SLC18A1: variants seen among roughly 807,000 people sequenced by gnomAD.
SLC18A1 encodes chromaffin granule amine transporter.
Under a neutral mutation model 53.7 loss-of-function variants are expected in SLC18A1, and 69 were observed. The observed-to-expected ratio is 1.28, with a 90% CI of 1.06 to 1.57. The LOEUF is 1.57. Among genes scored for constraint, SLC18A1 ranks in the 40% most tolerant of loss-of-function variants. The probability of loss-of-function intolerance (pLI) is 0.00; values close to 1 mark genes in which losing one functional copy is unlikely to be tolerated. For missense variants in SLC18A1, 932 were observed against 668.1 expected (o/e 1.40, Z -4.35); for synonymous variants, 320 against 248.1 (o/e 1.29, Z -2.72).
At chr8:20,157,788 CA>C (rs1336348709) in intron 10 of SLC18A1, among the ~76,000 whole-genome samples, 3 of 152,216 alleles carry the variant, frequency 2.0e-5, no homozygotes, top group Admixed American at 2.0e-4. Context: ...TCAGGAGGAG[CA>C]GGTGGAATGG....
rs755572731 is a variant in SLC18A1, at chr8:20,179,188, C to A, written c.421G>T (p.Val141Phe). ...FLEEEITRVGVLFASKAVMQL... is the reference protein window; with the variant it reads ...FLEEEITRVGFLFASKAVMQL... ...ATCACAGCCTTTGAAGCAAACAGAA[C>A]CCCGACCCGGGTAATCTCTTCCTCC... Residue 141 changes from valine (V) to phenylalanine (F), a missense_variant, in exon 3 of 16, where the codon GTT becomes TTT. Physicochemically the swap from Val to Phe is conservative, Grantham distance 50. Coordinates refer to ENST00000276373, the MANE Select transcript of SLC18A1 (RefSeq NM_003053.4). 8.1e-6 allele frequency: 13 copies of A among 1,614,046 alleles called. No homozygotes were observed. The highest frequency in any genetic ancestry group is 2.7e-5 in the African/African-American group (2 of 74,908).
intron 4 of SLC18A1, 51 bp from the exon 5 acceptor site, chr8:20,174,495 TC>T: frequency 1.6e-6 from 2 of 1,262,452 alleles, no homozygotes; most frequent in Non-Finnish European, 1.2e-6. Context: ...TGCCTTTGCT[TC>T]CCCAGCCGCC....
chr8:20,163,945 G>T (rs2071891109), intron 10 of SLC18A1, among the ~76,000 whole-genome samples: 1 of 152,096 alleles, frequency 6.6e-6, no homozygotes, highest in African/African-American at 2.4e-5. Context: ...GAGCCTTAGG[G>T]CAGGCGATGA....
Position 20,147,313 on chromosome 8 carries a change from A to T in SLC18A1, c.1409T>A (p.Val470Asp), listed in dbSNP as rs200509773. Residue 470 changes from valine (V) to aspartate (D), a missense_variant, in exon 15 of 16, where the codon GTC becomes GAC. Physicochemically the swap from Val to Asp is radical, Grantham distance 152. Transcript: ENST00000276373. The stretch of plus-strand genomic sequence containing the variant: ...CAGGTAGTAGCAGAGTGGAGCATAG[A>T]CGATGTTGATGACCCCAGTGATGAC... ...LMVITGVINIVYAPLCYYLRS... is the reference protein window; with the variant it reads ...LMVITGVINIDYAPLCYYLRS... 7 of 1,613,656 alleles carry T rather than the reference A, an allele frequency of 4.3e-6. No individual in the cohort carries two copies. The highest frequency in any genetic ancestry group is 3.4e-6 in the Non-Finnish European group (4 of 1,179,932).
At chr8:20,147,891 C>A in intron 13 of SLC18A1, 116 bp downstream of exon 13, 2 of 1,437,820 alleles carry the variant, frequency 1.4e-6, no homozygotes, top group South Asian at 1.3e-5. Context: ...GCCAGCTGCC[C>A]TCCTGATCCT....
chr8:20,146,602 G>T (rs768869846), intron 15 of SLC18A1, among the ~76,000 whole-genome samples: 1 of 152,118 alleles, frequency 6.6e-6, no homozygotes, highest in Non-Finnish European at 1.5e-5. Context: ...CTTCCCTGGG[G>T]TTTTTGTACT....
intron 4 of SLC18A1, chr8:20,175,729 A>G (rs1347988880): frequency 6.6e-6 from 1 of 152,202 alleles, no homozygotes; most frequent in East Asian, 1.9e-4. Context: ...TGTCTGAATC[A>G]GAAGAATTGT....
At chr8:20,166,902 T>C (rs951601808) in intron 8 of SLC18A1, among the ~76,000 whole-genome samples, 2 of 151,918 alleles carry the variant, frequency 1.3e-5, no homozygotes, top group Non-Finnish European at 2.9e-5. Flanking sequence ...GCACACTGAG[T>C]AAAGGCCATG....
At chr8:20,166,988 C>T (rs1417027105) in intron 8 of SLC18A1, among the ~76,000 whole-genome samples, 1 of 152,136 alleles carries the variant, frequency 6.6e-6, no homozygotes, top group Non-Finnish European at 1.5e-5. Context: ...TCAACAGTAC[C>T]TTGACCATGG....
intron 6 of SLC18A1, among the ~76,000 whole-genome samples, chr8:20,172,588 T>C (rs2072150765): frequency 6.6e-6 from 1 of 152,234 alleles, no homozygotes; most frequent in Non-Finnish European, 1.5e-5. Context: ...GTCTGTATCC[T>C]GGCTGTGGCG....
At chr8:20,174,075 T>C (rs1342897106) in intron 5 of SLC18A1, among the ~76,000 whole-genome samples, 3 of 151,508 alleles carry the variant, frequency 2.0e-5, no homozygotes, top group African/African-American at 7.3e-5. Context: ...TTATTCTCTC[T>C]TTTTTTTAAT....
rs550360632 is a variant in SLC18A1 at position 20,177,110 on chromosome 8, A to G, written c.547+1325T>C. Reference sequence around the variant, plus strand: ...GAAATAGGGCACCTGGCATCTTATTATTTTTAAATTTGCTGTCTAACTTAG... The same window carrying G: ...GAAATAGGGCACCTGGCATCTTATTGTTTTTAAATTTGCTGTCTAACTTAG... On this transcript the variant is annotated intron_variant, in intron 4 of 15. Coordinates refer to ENST00000276373, the MANE Select transcript of SLC18A1 (RefSeq NM_003053.4). Among the ~76,000 whole-genome samples the G allele has an allele frequency of 5.1e-4, 78 of 152,334 alleles. 1 individual carries two copies. The highest frequency in any genetic ancestry group is 3.4e-3 in the Middle Eastern group (1 of 294).
Position 20,147,427 on chromosome 8 carries a change from G to A in SLC18A1, c.1331-36C>T, listed in dbSNP as rs544997434. ...TACATCAAAGTCATAAGTGTCTATG[G>A]AGCCTCCATATGGAGCATCCTCCAC... On this transcript the variant is annotated intron_variant, in intron 14 of 15. Transcript: ENST00000276373. 2.5e-6 allele frequency: 4 copies of A among 1,591,306 alleles called. No homozygotes were observed. In the South Asian group the frequency reaches 4.6e-5, roughly 18 times the overall value.
chr8:20,180,886 C>A lies in SLC18A1; in HGVS notation c.79G>T (p.Val27Leu), dbSNP rs762423548. The A allele has an allele frequency of 1.2e-6, 2 of 1,613,942 alleles. No homozygotes were observed. The highest frequency in any genetic ancestry group is 2.2e-5 in the East Asian group (1 of 44,862). Residue 27 changes from valine to leucine, a missense_variant, in exon 2 of 16, where the codon GTA becomes TTA. Coordinates refer to ENST00000276373, the MANE Select transcript of SLC18A1 (RefSeq NM_003053.4). ...TTGTCCAGGAGCAAAGCGACGAATA[C>A]CACCACCAGCACCAGCTGCCGGGAC... ...RASRQLVLVV[V>L]FVALLLDNML... is the part of the protein sequence containing the mutation.
chr8:20,169,458 T>TAA (rs35242639), intron 8 of SLC18A1, among the ~76,000 whole-genome samples: 16 of 151,344 alleles, frequency 1.1e-4, no homozygotes, highest in South Asian at 2.1e-4. Flanking sequence ...TGACATTACA[T>TAA]AAAAAAAAAT....
chr8:20,164,375 T>G (rs2071900943), intron 10 of SLC18A1, among the ~76,000 whole-genome samples: 1 of 152,118 alleles, frequency 6.6e-6, no homozygotes, highest in Non-Finnish European at 1.5e-5. Flanking sequence ...AGGGTAGTCT[T>G]GAGGATGAGG....
At chr8:20,157,511 G>C (rs1391701326) in intron 10 of SLC18A1, among the ~76,000 whole-genome samples, 1 of 152,160 alleles carries the variant, frequency 6.6e-6, no homozygotes, top group Non-Finnish European at 1.5e-5. Flanking sequence ...AAACTAGGAA[G>C]AAGGCTATGA....
At chr8:20,152,469 T>C (rs1177952053) in intron 10 of SLC18A1, among the ~76,000 whole-genome samples, 2 of 152,066 alleles carry the variant, frequency 1.3e-5, no homozygotes, top group Admixed American at 6.5e-5. Flanking sequence ...TGGAGGTAAG[T>C]TGGTGACATT....
At position 20,147,401 on chromosome 8, in the gene SLC18A1, A is replaced by T; in HGVS notation, c.1331-10T>A. The T allele has an allele frequency of 6.2e-7, 1 of 1,602,548 alleles. No homozygotes were observed. Among genetic ancestry groups the T allele is most frequent in the Non-Finnish European group, 8.5e-7 (1 of 1,175,428 alleles). On this transcript the variant is annotated splice_polypyrimidine_tract_variant and intron_variant, in intron 14 of 15. Transcript: ENST00000276373. Reference sequence around the variant, plus strand: ...CCACCGGTGGATGGACCTGGGAGGGATACATCAAAGTCATAAGTGTCTATG... The same window carrying T: ...CCACCGGTGGATGGACCTGGGAGGGTTACATCAAAGTCATAAGTGTCTATG...
Sources: allele counts gnomAD v4.1 joint callset (sites outside exome capture counted in the v4.1 genomes callset), GRCh38; gene constraint gnomAD v4.1.1; transcripts MANE v1.5; gene names NCBI Gene and HGNC (gene_info 2026-07-23, HGNC 2026-07-21).